The following EXOC4 variants were observed in gnomAD, a reference collection of about 807,000 sequenced individuals.
EXOC4 encodes exocyst complex component 4, also known as SEC8-like 1.
Under a neutral mutation model 107.2 loss-of-function variants are expected in EXOC4, and 71 were observed. That is an observed-to-expected ratio of 0.66 (90% confidence interval 0.55 to 0.81). The LOEUF is 0.81. EXOC4 is among the 30% of genes least tolerant of loss of function. The pLI, the probability that EXOC4 is intolerant of heterozygous loss-of-function variation, is 0.00. For synonymous variants in EXOC4, 456 were observed against 441.2 expected (o/e 1.03, Z -0.42); for missense variants, 1,108 against 1,189.6 (o/e 0.93, Z 1.01).
At chr7:133,452,203 T>C (rs1053062554) in intron 7 of EXOC4, among the ~76,000 whole-genome samples, 3 of 152,138 alleles carry the variant, frequency 2.0e-5, no homozygotes, top group African/African-American at 2.4e-5. Context: ...GGAAGAGGAA[T>C]ACAGCTTAGA....
chr7:133,282,535 AGTTTTGAGAAATAAAT>A (rs761325893), intron 2 of EXOC4, among the ~76,000 whole-genome samples: 6 of 152,214 alleles, frequency 3.9e-5, no homozygotes, highest in Non-Finnish European at 1.5e-5. Context: ...AGTAGAACAG[AGTTTTGAGAAATAAAT>A]GTTTCAGTGT....
chr7:133,909,908 G>A lies in EXOC4; in HGVS notation c.1872-7675G>A, dbSNP rs115960914. ...TTATAAGAAAAATCTGAACATTGAC[G>A]GTTGAGACAGATTTTTTTTTTTTTT... On this transcript the variant is annotated intron_variant, in intron 12 of 17. Transcript: ENST00000253861. Among the ~76,000 whole-genome samples the A allele has an allele frequency of 2.4e-3, 358 of 149,842 alleles. 5 individuals are homozygous for A. The highest frequency in any genetic ancestry group is 8.2e-3 in the African/African-American group (332 of 40,484).
At chr7:133,431,218 A>G (rs1256941609) in intron 7 of EXOC4, among the ~76,000 whole-genome samples, 1 of 152,190 alleles carries the variant, frequency 6.6e-6, no homozygotes. Context: ...GACCTGATAC[A>G]GAATTTTCTG....
At chr7:133,502,377 C>T (rs985933749) in intron 9 of EXOC4, among the ~76,000 whole-genome samples, 34 of 152,080 alleles carry the variant, frequency 2.2e-4, no homozygotes, top group Admixed American at 6.6e-4. Context: ...TGTGTTCCTT[C>T]ATTGTTACTT....
chr7:133,760,152 C>T (rs866628917), intron 10 of EXOC4, among the ~76,000 whole-genome samples: 1 of 152,128 alleles, frequency 6.6e-6, no homozygotes, highest in South Asian at 2.1e-4. Flanking sequence ...ACACTGCCTT[C>T]CTGATAAGGA....
In EXOC4 at chr7:133,324,252, G is replaced by A. The variant is rs908426691; in HGVS notation, c.763+6862G>A. 2.6e-5 allele frequency among the ~76,000 whole-genome samples: 4 copies of A among 152,190 alleles called. No individual in the cohort carries two copies. The East Asian group carries it at 5.8e-4, about 22-fold the overall frequency. ...CTTAGTTATTTCTTGCCTTCTGCTA[G>A]CTTTTGAATGTGTTTGTTCTTGCTT... is the stretch of plus-strand genomic sequence containing the variant. On this transcript the variant is annotated intron_variant, in intron 5 of 17. Transcript: ENST00000253861.
chr7:133,783,059 G>A (rs1165484683), intron 10 of EXOC4, among the ~76,000 whole-genome samples: 3 of 152,136 alleles, frequency 2.0e-5, no homozygotes, highest in African/African-American at 7.2e-5. Flanking sequence ...GGGAAAATGG[G>A]AGTATTTTGA....
chr7:134,039,367 T>C (rs1795463584), intron 17 of EXOC4, among the ~76,000 whole-genome samples: 1 of 152,138 alleles, frequency 6.6e-6, no homozygotes, highest in Non-Finnish European at 1.5e-5. Flanking sequence ...TTTATATAGA[T>C]GTGAATTTTT....
chr7:133,867,601 C>T (rs969183321), intron 11 of EXOC4, among the ~76,000 whole-genome samples: 1 of 152,182 alleles, frequency 6.6e-6, no homozygotes, highest in Non-Finnish European at 1.5e-5. Flanking sequence ...TTTCTCTCCC[C>T]ACCCCCAACC....
chr7:133,778,701 A>G (rs1796398280), intron 10 of EXOC4, among the ~76,000 whole-genome samples: 1 of 152,258 alleles, frequency 6.6e-6, no homozygotes, highest in African/African-American at 2.4e-5. Flanking sequence ...AAAGTTTCAG[A>G]GGTGCATCCT....
At chr7:133,890,167 T>C (rs1258088709) in intron 11 of EXOC4, among the ~76,000 whole-genome samples, 1 of 62,832 alleles carries the variant, frequency 1.6e-5, no homozygotes, top group Non-Finnish European at 2.6e-5. Context: ...ATTTCTCTGA[T>C]GGCCAGTGAT....
intron 17 of EXOC4, among the ~76,000 whole-genome samples, chr7:134,045,936 C>G (rs1795640275): frequency 6.6e-6 from 1 of 152,162 alleles, no homozygotes; most frequent in African/African-American, 2.4e-5. Context: ...ATAAAATTAG[C>G]ACTTGTCTTA....
chr7:134,012,002 T>C (rs1585320689), intron 17 of EXOC4, among the ~76,000 whole-genome samples: 1 of 151,884 alleles, frequency 6.6e-6, no homozygotes, highest in East Asian at 1.9e-4. Flanking sequence ...GAGGGAGGCA[T>C]ACACTTAACA....
chr7:133,775,891 T>C (rs1796335047), intron 10 of EXOC4, among the ~76,000 whole-genome samples: 1 of 152,174 alleles, frequency 6.6e-6, no homozygotes, highest in South Asian at 2.1e-4. Flanking sequence ...GGAAAGGATT[T>C]CTAGGAGATA....
chr7:134,007,102 A>G (rs1452189054), intron 16 of EXOC4, among the ~76,000 whole-genome samples: 1 of 152,172 alleles, frequency 6.6e-6, no homozygotes, highest in Non-Finnish European at 1.5e-5. Context: ...TTGTTAAGGT[A>G]TATTAGCATT....
At chr7:133,613,262 C>T (rs555203055) in intron 9 of EXOC4, among the ~76,000 whole-genome samples, 1 of 152,096 alleles carries the variant, frequency 6.6e-6, no homozygotes, top group South Asian at 2.1e-4. Context: ...TGTAAAGAAA[C>T]ATGAAGATGC....
chr7:133,366,078 T>C (rs1454087629), intron 6 of EXOC4, among the ~76,000 whole-genome samples: 2 of 152,214 alleles, frequency 1.3e-5, no homozygotes, highest in East Asian at 3.9e-4. Context: ...AGGCAGCTTC[T>C]TGGCTGCAAA....
At chr7:133,506,226 G>A (rs1799663061) in intron 9 of EXOC4, among the ~76,000 whole-genome samples, 1 of 152,066 alleles carries the variant, frequency 6.6e-6, no homozygotes. Flanking sequence ...GGCACTCATG[G>A]TAATGTTTTA....
At chr7:133,471,951 C>G (rs1262984919) in intron 7 of EXOC4, among the ~76,000 whole-genome samples, 2 of 152,060 alleles carry the variant, frequency 1.3e-5, no homozygotes, top group African/African-American at 4.8e-5. Flanking sequence ...CTAGAGTGGC[C>G]TGGCAAGGGC....
Sources: allele counts gnomAD v4.1 joint callset (sites outside exome capture counted in the v4.1 genomes callset), GRCh38; gene constraint gnomAD v4.1.1; transcripts MANE v1.5; gene names NCBI Gene and HGNC (gene_info 2026-07-23, HGNC 2026-07-21).